Variants in RPL39L observed in about 807,000 individuals in gnomAD.
The protein encoded by RPL39L is ribosomal protein L39 like.
For missense variants in RPL39L, 48 were observed against 58.9 expected, an observed-to-expected ratio of 0.81 and a Z score of 0.61; for synonymous variants, 16 against 20.1, an observed-to-expected ratio of 0.80 and a Z score of 0.55.
intron 2 of RPL39L, among the ~76,000 whole-genome samples, chr3:187,124,073 G>C (rs931396027): frequency 2.6e-5 from 4 of 152,118 alleles, no homozygotes; most frequent in African/African-American, 9.7e-5. Context: ...CAATAGTAAT[G>C]GTTATGAGGG....
At chr3:187,133,011 T>C (rs1720512086) in intron 1 of RPL39L, among the ~76,000 whole-genome samples, 1 of 152,222 alleles carries the variant, frequency 6.6e-6, no homozygotes, top group Non-Finnish European at 1.5e-5. Context: ...AAATTGTTAA[T>C]GAACTGCTAA....
At chr3:187,122,831 A>G (rs1002278343) in intron 2 of RPL39L, among the ~76,000 whole-genome samples, 11 of 152,242 alleles carry the variant, frequency 7.2e-5, no homozygotes, top group Admixed American at 7.2e-4. Context: ...AATGAATAGC[A>G]GAGTAGATAA....
chr3:187,121,465 G>A, intron 2 of RPL39L, 137 bp from the exon 3 acceptor site: 2 of 826,606 alleles, frequency 2.4e-6, no homozygotes, highest in Non-Finnish European at 3.8e-6. Context: ...GGATCCCACA[G>A]GCAGCTCAGG....
chr3:187,134,627 T>C (rs887642018), intron 1 of RPL39L, among the ~76,000 whole-genome samples: 2 of 152,104 alleles, frequency 1.3e-5, no homozygotes, highest in African/African-American at 2.4e-5. Context: ...GTCATCGAAG[T>C]CTTGTAAGGA....
intron 1 of RPL39L, among the ~76,000 whole-genome samples, chr3:187,132,866 G>A (rs1285683375): frequency 6.6e-6 from 1 of 152,132 alleles, no homozygotes; most frequent in Non-Finnish European, 1.5e-5. Context: ...GGAACAACTG[G>A]TCACCCCACC....
intron 2 of RPL39L, among the ~76,000 whole-genome samples, chr3:187,126,848 A>G (rs1720406826): frequency 6.6e-6 from 1 of 152,218 alleles, no homozygotes; most frequent in Non-Finnish European, 1.5e-5. Context: ...GGAGTCTGTC[A>G]GGAGACCTTC....
At chr3:187,134,483 T>TAAAAAAAAAAAAAAAAAAAAAAA (rs72169562) in intron 1 of RPL39L, among the ~76,000 whole-genome samples, 22 of 93,374 alleles carry the variant, frequency 2.4e-4, no homozygotes, top group African/African-American at 8.9e-4. Context: ...GCCTGACTGA[T>TAAAAAAAAAAAAAAAAAAAAAAA]AAAAAAAAAA....
rs143824009 is a variant in RPL39L, at chr3:187,122,295, C to T, written c.-28-967G>A. On this transcript the variant is annotated intron_variant, in intron 2 of 2. Transcript: ENST00000296277. ...CAGATGCAAAATAATGTCTACATCT[C>T]AGATTGTGAGAGTAATTACATGATG... Among the ~76,000 whole-genome samples, 5 of 152,274 alleles carry T rather than the reference C, an allele frequency of 3.3e-5. No homozygotes were observed. In the East Asian group the frequency reaches 9.6e-4, roughly 29 times the overall value.
At chr3:187,134,666 C>T (rs1031363497) in intron 1 of RPL39L, among the ~76,000 whole-genome samples, 13 of 152,080 alleles carry the variant, frequency 8.5e-5, no homozygotes, top group African/African-American at 3.1e-4. Flanking sequence ...GAGATGGGTA[C>T]CACCAAAGCT....
chr3:187,134,348 G>C (rs981107390), intron 1 of RPL39L, among the ~76,000 whole-genome samples: 6 of 152,172 alleles, frequency 3.9e-5, no homozygotes, highest in African/African-American at 1.4e-4. Flanking sequence ...CACCACTGGA[G>C]GAGTGCTGCT....
rs1720514078 is a variant in RPL39L at position 187,133,158 on chromosome 3, A to G, written c.-92-5096T>C. On this transcript the variant is annotated intron_variant, in intron 1 of 2. Transcript: ENST00000296277. Reference sequence around the variant, plus strand: ...GAAAAGACTTGGGACAAGGCAGGAGACTAGAGAGAGCCTCCTCGGTGGTGA... The same window carrying G: ...GAAAAGACTTGGGACAAGGCAGGAGGCTAGAGAGAGCCTCCTCGGTGGTGA... 3.3e-5 allele frequency among the ~76,000 whole-genome samples: 5 copies of G among 152,230 alleles called. No homozygotes were observed. In the South Asian group the frequency reaches 1.0e-3, roughly 32 times the overall value.
At chr3:187,138,061 C>T (rs1324708489) in intron 1 of RPL39L, among the ~76,000 whole-genome samples, 2 of 152,108 alleles carry the variant, frequency 1.3e-5, no homozygotes, top group Non-Finnish European at 2.9e-5. Context: ...TTTATGATTC[C>T]AACAACTCTC....
intron 1 of RPL39L, among the ~76,000 whole-genome samples, chr3:187,138,375 G>A (rs1414872458): frequency 6.6e-6 from 1 of 152,196 alleles, no homozygotes; most frequent in East Asian, 1.9e-4. Context: ...CCTGGTCAGG[G>A]TTTATGTCTC....
At chr3:187,135,138 G>A (rs1720552630) in intron 1 of RPL39L, among the ~76,000 whole-genome samples, 1 of 152,166 alleles carries the variant, frequency 6.6e-6, no homozygotes. Flanking sequence ...ACCCTGATGG[G>A]GCAATCTCAT....
intron 1 of RPL39L, among the ~76,000 whole-genome samples, chr3:187,129,651 A>G (rs961550784): frequency 1.3e-5 from 2 of 152,232 alleles, no homozygotes; most frequent in African/African-American, 4.8e-5. Context: ...AATATGCTAC[A>G]GTAAAGCACA....
chr3:187,137,679 C>T (rs983458184), intron 1 of RPL39L, among the ~76,000 whole-genome samples: 1 of 151,832 alleles, frequency 6.6e-6, no homozygotes, highest in East Asian at 1.9e-4. Flanking sequence ...AAAAATTAGC[C>T]GGGTGTGGTG....
At chr3:187,125,260 G>C (rs1187519006) in intron 2 of RPL39L, among the ~76,000 whole-genome samples, 1 of 152,318 alleles carries the variant, frequency 6.6e-6, no homozygotes, top group African/African-American at 2.4e-5. Flanking sequence ...TTTTATACTT[G>C]TGAGAGCAAT....
intron 2 of RPL39L, among the ~76,000 whole-genome samples, chr3:187,125,604 G>A (rs1720383584): frequency 6.6e-6 from 1 of 151,234 alleles, no homozygotes; most frequent in African/African-American, 2.4e-5. Context: ...TGGTTACAGT[G>A]AGATACTAGA....
intron 1 of RPL39L, 120 bp downstream of exon 1, chr3:187,139,093 T>C: frequency 6.7e-6 from 1 of 150,352 alleles, no homozygotes; most frequent in Non-Finnish European, 1.4e-5. Context: ...ACAAAAACGC[T>C]ACTACTGTTG....
Sources: allele counts gnomAD v4.1 joint callset (sites outside exome capture counted in the v4.1 genomes callset), GRCh38; gene constraint gnomAD v4.1.1; transcripts MANE v1.5; gene names NCBI Gene and HGNC (gene_info 2026-07-23, HGNC 2026-07-21).